The following ZPBP variants were observed in gnomAD, a reference collection of about 807,000 sequenced individuals.
ZPBP encodes the protein zona pellucida binding protein.
A neutral mutation model predicts 44.8 loss-of-function variants in ZPBP; 26 were observed. The observed-to-expected ratio is 0.58, with a 90% CI of 0.43 to 0.81. The LOEUF (loss-of-function observed/expected upper bound fraction) is 0.81. ZPBP is among the 30% of genes least tolerant of loss of function. ZPBP has a pLI of 0.00. For missense variants in ZPBP, 409 were observed against 434.0 expected (o/e 0.94, Z 0.51); for synonymous variants, 174 against 153.2 (o/e 1.14, Z -1.00).
intron 2 of ZPBP, among the ~76,000 whole-genome samples, chr7:49,874,848 T>G (rs1388620354): frequency 7.0e-6 from 1 of 143,490 alleles, no homozygotes; most frequent in Non-Finnish European, 1.6e-5. Context: ...CTTCCCTAAT[T>G]CAGAATTCAG....
chr7:49,895,686 GTCTC>G (rs1213688102), intron 2 of ZPBP, among the ~76,000 whole-genome samples: 3 of 151,870 alleles, frequency 2.0e-5, no homozygotes, highest in Admixed American at 6.6e-5. Flanking sequence ...TGGACTAATA[GTCTC>G]TCTGAGTCTC....
intron 3 of ZPBP, among the ~76,000 whole-genome samples, chr7:50,068,050 G>C (rs959716136): frequency 1.3e-5 from 2 of 152,158 alleles, no homozygotes; most frequent in African/African-American, 4.8e-5. Context: ...CCTAAAGCTG[G>C]AGCCTGAGTC....
intron 7 of ZPBP, among the ~76,000 whole-genome samples, chr7:49,951,555 T>A (rs887974271): frequency 3.3e-5 from 5 of 151,236 alleles, no homozygotes; most frequent in African/African-American, 9.7e-5. Context: ...TTTTTTTTTT[T>A]TAAAAAGGAA....
downstream of ZPBP, among the ~76,000 whole-genome samples, chr7:49,935,015 T>A (rs1389835758): frequency 1.3e-5 from 2 of 152,226 alleles, no homozygotes; most frequent in Admixed American, 6.5e-5. Context: ...AACTGCTTTA[T>A]GACAATAATC....
intron 1 of ZPBP, chr7:49,913,437 T>C (rs531214094): frequency 6.6e-6 from 1 of 152,328 alleles, no homozygotes; most frequent in Non-Finnish European, 1.5e-5. Context: ...AAAGAGGTAA[T>C]TGGAGTCTTA....
intron 2 of ZPBP, among the ~76,000 whole-genome samples, chr7:49,856,243 G>T (rs1367353857): frequency 6.6e-6 from 1 of 152,182 alleles, no homozygotes; most frequent in Non-Finnish European, 1.5e-5. Flanking sequence ...GGTGGATTCT[G>T]CATGAATGGC....
At chr7:49,898,904 CA>C (rs1792547063) in intron 2 of ZPBP, among the ~76,000 whole-genome samples, 1 of 151,694 alleles carries the variant, frequency 6.6e-6, no homozygotes. Flanking sequence ...ATTAAAGCCA[CA>C]AAAAGCATAA....
chr7:49,948,986 T>C (rs1339253459), intron 7 of ZPBP, among the ~76,000 whole-genome samples: 1 of 152,158 alleles, frequency 6.6e-6, no homozygotes, highest in Non-Finnish European at 1.5e-5. Context: ...GAGGCAATGT[T>C]GGAGATAAGG....
chr7:49,941,230 G>A (rs145055599), intron 7 of ZPBP, among the ~76,000 whole-genome samples: 3 of 152,240 alleles, frequency 2.0e-5, no homozygotes, highest in African/African-American at 7.2e-5. Context: ...AAACAATACA[G>A]AGCTTCCTCA....
At chr7:49,975,248 C>T (rs1012801610) in intron 7 of ZPBP, among the ~76,000 whole-genome samples, 3 of 152,152 alleles carry the variant, frequency 2.0e-5, no homozygotes, top group Non-Finnish European at 4.4e-5. Flanking sequence ...GACTGTCACT[C>T]GTGCTAACTG....
intron 2 of ZPBP, among the ~76,000 whole-genome samples, chr7:49,877,507 T>TATATATATATAG (rs1562747891): frequency 1.8e-4 from 16 of 90,310 alleles, no homozygotes; most frequent in Non-Finnish European, 3.3e-4. Flanking sequence ...TATATATATA[T>TATATATATATAG]ATATATATAT....
At chr7:49,948,651 CA>C in intron 7 of ZPBP, among the ~76,000 whole-genome samples, 1 of 152,014 alleles carries the variant, frequency 6.6e-6, no homozygotes, top group Non-Finnish European at 1.5e-5. Flanking sequence ...AAATGCAACT[CA>C]AAACCATAAT....
chr7:50,058,174 A>C, intron 3 of ZPBP, 33 bp from the exon 4 acceptor site: 2 of 1,610,272 alleles, frequency 1.2e-6, no homozygotes, highest in Non-Finnish European at 1.7e-6. Context: ...CGAGTTGCTT[A>C]AATTACATGA....
At chr7:49,942,359 A>AT in intron 7 of ZPBP, 4 of 197,012 alleles carry the variant, frequency 2.0e-5, no homozygotes, top group South Asian at 9.6e-5. Flanking sequence ...GTGCACACAA[A>AT]TTTTTTTGGA....
intron 4 of ZPBP, among the ~76,000 whole-genome samples, chr7:50,054,443 AT>A (rs1331082633): frequency 6.6e-6 from 1 of 152,166 alleles, no homozygotes; most frequent in Non-Finnish European, 1.5e-5. Flanking sequence ...AATCTACTGA[AT>A]AATAAAAATA....
chr7:49,914,139 A>T (rs927834105), intron 1 of ZPBP: 2 of 152,228 alleles, frequency 1.3e-5, no homozygotes. Context: ...TCGTTTTGCT[A>T]ATAAATGGCC....
At chr7:49,937,437 A>T (rs1794659472), downstream of ZPBP, 8 of 986,734 alleles carry the variant, frequency 8.1e-6, no homozygotes, top group Middle Eastern at 2.6e-4. Context: ...TTTGTAAAAT[A>T]TGATTAATTT....
chr7:49,856,363 A>G (rs1562734501), intron 2 of ZPBP, among the ~76,000 whole-genome samples: 1 of 152,124 alleles, frequency 6.6e-6, no homozygotes, highest in Non-Finnish European at 1.5e-5. Flanking sequence ...CCCTCTTTCA[A>G]CGTGATATAC....
chr7:49,947,195 G>A (rs980965971), intron 7 of ZPBP, among the ~76,000 whole-genome samples: 16 of 152,088 alleles, frequency 1.1e-4, no homozygotes, highest in Admixed American at 6.6e-5. Context: ...ATTGATCACC[G>A]GTGCCCTATT....
Sources: allele counts gnomAD v4.1 joint callset (sites outside exome capture counted in the v4.1 genomes callset), GRCh38; gene constraint gnomAD v4.1.1; transcripts MANE v1.5; gene names NCBI Gene and HGNC (gene_info 2026-07-23, HGNC 2026-07-21).